The following TASP1 variants were observed in gnomAD, a reference collection of about 807,000 sequenced individuals.
TASP1 encodes the protein threonine aspartase 1.
In TASP1, 16 loss-of-function variants were observed where a neutral mutation model predicts 56.6. That is an observed-to-expected ratio of 0.28 (90% CI 0.19 to 0.43). TASP1 has a LOEUF of 0.43. TASP1 is among the 20% of genes least tolerant of loss of function. TASP1 has a pLI of 1.00. For synonymous variants in TASP1, 179 were observed against 184.2 expected (o/e 0.97, Z 0.23); for missense variants, 393 against 511.6 (o/e 0.77, Z 2.24).
intron 13 of TASP1, among the ~76,000 whole-genome samples, chr20:13,397,842 T>C (rs1266849342): frequency 6.6e-6 from 1 of 152,164 alleles, no homozygotes; most frequent in Non-Finnish European, 1.5e-5. Context: ...GATTTTGACA[T>C]TCTACGGAGT....
At chr20:13,124,583 G>A in the TASP1 span, among the ~76,000 whole-genome samples, 1 of 152,040 alleles carries the variant, frequency 6.6e-6, no homozygotes, top group Non-Finnish European at 1.5e-5. Context: ...GAAAGGGGGG[G>A]ATTCAGAATG....
At chr20:13,299,104 G>A in the TASP1 span, 1 of 1,613,652 alleles carries the variant, frequency 6.2e-7, no homozygotes, top group Non-Finnish European at 8.5e-7. This position sits in a 1 kb window ranked among gnomAD's most constrained non-coding sequence, Gnocchi z 5.8. Flanking sequence ...AAGGACTTCC[G>A]CTGGAAGGAC....
chr20:13,401,931 G>GA lies in TASP1; in HGVS notation c.1171-11480dup, dbSNP rs1466063566. 2.0e-4 allele frequency among the ~76,000 whole-genome samples: 30 copies of GA among 152,272 alleles called. 2 individuals are homozygous for GA. The highest frequency in any genetic ancestry group is 7.0e-4 in the African/African-American group (29 of 41,552). On this transcript the variant is annotated intron_variant, in intron 13 of 13. Coordinates refer to ENST00000337743, the MANE Select transcript of TASP1 (RefSeq NM_017714.3). ...TATTCTAAGTTAGGTTCACATCTGT[G>GA]ACTGATAACTACATACGTATGTGGA... is the stretch of plus-strand genomic sequence containing the variant.
the TASP1 span, among the ~76,000 whole-genome samples, chr20:13,257,961 G>A: frequency 4.3e-4 from 66 of 152,236 alleles, no homozygotes; most frequent in East Asian, 0.011. Flanking sequence ...GGATTTCATA[G>A]CCTACTTACT....
the TASP1 span, among the ~76,000 whole-genome samples, chr20:13,143,321 A>G: frequency 6.6e-6 from 1 of 152,230 alleles, no homozygotes; most frequent in African/African-American, 2.4e-5. Flanking sequence ...TGTGAACCAT[A>G]GAATTTTTCA....
the TASP1 span, among the ~76,000 whole-genome samples, chr20:13,177,669 G>T: frequency 6.6e-6 from 1 of 152,124 alleles, no homozygotes; most frequent in African/African-American, 2.4e-5. Context: ...GGAAAGGACT[G>T]TCTCTTCAAT....
the TASP1 span, chr20:13,221,695 G>C: frequency 8.3e-7 from 1 of 1,197,958 alleles, no homozygotes; most frequent in Non-Finnish European, 1.1e-6. Context: ...CGGGCTCCCG[G>C]GCTCCTACTC....
chr20:13,374,864 T>A, the TASP1 span, among the ~76,000 whole-genome samples: 4 of 152,220 alleles, frequency 2.6e-5, no homozygotes, highest in African/African-American at 9.7e-5. Flanking sequence ...GGCATGCACC[T>A]GCTCACCCTG....
chr20:13,548,149 T>C (rs900224816), intron 8 of TASP1, among the ~76,000 whole-genome samples: 2 of 152,158 alleles, frequency 1.3e-5, no homozygotes, highest in South Asian at 2.1e-4. Context: ...TCCTGGGGAC[T>C]CTGTTGGGGA....
intron 10 of TASP1, among the ~76,000 whole-genome samples, chr20:13,501,085 GAAAGA>G (rs925200801): frequency 2.0e-5 from 3 of 151,894 alleles, no homozygotes; most frequent in Non-Finnish European, 4.4e-5. Context: ...TTTAATTATT[GAAAGA>G]AAAAAGCCAA....
At chr20:13,181,448 C>A in the TASP1 span, among the ~76,000 whole-genome samples, 3 of 152,192 alleles carry the variant, frequency 2.0e-5, no homozygotes, top group African/African-American at 7.2e-5. Flanking sequence ...AGCAAGAAGA[C>A]AGCTCTTTTC....
chr20:13,531,922 C>T (rs2045236921), intron 9 of TASP1, among the ~76,000 whole-genome samples: 1 of 152,198 alleles, frequency 6.6e-6, no homozygotes, highest in East Asian at 1.9e-4. Context: ...CATTGGCCTC[C>T]CAAAGTGCTG....
chr20:13,593,167 C>T (rs370270003), intron 4 of TASP1, among the ~76,000 whole-genome samples: 1 of 152,102 alleles, frequency 6.6e-6, no homozygotes, highest in Non-Finnish European at 1.5e-5. Flanking sequence ...AATGATAATA[C>T]ATCATAACCA....
chr20:13,290,795 T>C, the TASP1 span, among the ~76,000 whole-genome samples: 1 of 152,258 alleles, frequency 6.6e-6, no homozygotes, highest in Non-Finnish European at 1.5e-5. Flanking sequence ...TTTTGTTTAA[T>C]GTTCACAATA....
the TASP1 span, chr20:13,244,491 G>T: frequency 6.6e-6 from 1 of 152,056 alleles, no homozygotes; most frequent in Non-Finnish European, 1.5e-5. Context: ...AGGCAGCTTT[G>T]TGATTTGTTT....
At chr20:13,379,668 G>A in the TASP1 span, among the ~76,000 whole-genome samples, 9 of 152,144 alleles carry the variant, frequency 5.9e-5, no homozygotes, top group South Asian at 6.2e-4. Flanking sequence ...CCTGAAGAGC[G>A]TTTTCCAACT....
chr20:13,221,134 T>C, the TASP1 span, among the ~76,000 whole-genome samples: 2 of 151,058 alleles, frequency 1.3e-5, no homozygotes, highest in Non-Finnish European at 3.0e-5. Context: ...GTAGTGGAGG[T>C]GGCTTGCCGG....
chr20:13,444,246 T>C (rs2043319980), intron 11 of TASP1, among the ~76,000 whole-genome samples: 1 of 152,144 alleles, frequency 6.6e-6, no homozygotes, highest in Admixed American at 6.6e-5. Context: ...CTTCAACATG[T>C]GGGAATTTAT....
the TASP1 span, among the ~76,000 whole-genome samples, chr20:13,270,032 A>G: frequency 1.3e-5 from 2 of 152,176 alleles, no homozygotes; most frequent in African/African-American, 4.8e-5. Flanking sequence ...GGATGAATGT[A>G]TGTAATGAAT....
Sources: allele counts gnomAD v4.1 joint callset (sites outside exome capture counted in the v4.1 genomes callset), GRCh38; gene constraint gnomAD v4.1.1; non-coding constraint Gnocchi (gnomAD v3.1); transcripts MANE v1.5; gene names NCBI Gene and HGNC (gene_info 2026-07-23, HGNC 2026-07-21).